The following TAF2 variants were observed in gnomAD, a reference collection of about 807,000 sequenced individuals.
TAF2 encodes transcription initiation factor TFIID subunit 2.
Under a neutral mutation model 138.5 loss-of-function variants are expected in TAF2, and 61 were observed. That is an observed-to-expected ratio of 0.44 (90% CI 0.36 to 0.54). The LOEUF (loss-of-function observed/expected upper bound fraction) is 0.54, where lower values mean the gene tolerates loss of function less well. TAF2 is among the 20% of genes least tolerant of loss of function. TAF2 has a pLI of 0.00. For synonymous variants in TAF2, 475 were observed against 469.9 expected, an observed-to-expected ratio of 1.01 and a Z score of -0.14; for missense variants, 1,090 against 1,427.9, an observed-to-expected ratio of 0.76 and a Z score of 3.81.
chr8:119,756,069 T>C lies in TAF2; in HGVS notation c.2815A>G (p.Asn939Asp). 1.9e-6 allele frequency: 3 copies of C among 1,613,756 alleles called. No homozygotes were observed. The highest frequency in any genetic ancestry group is 2.5e-6 in the Non-Finnish European group (3 of 1,179,836). ...TCATTGCATAAGGGAGACTCCATGTTCTTAGTAAATGGTGGGTTCTTAGTC... is the reference window on the plus strand; with the variant it reads ...TCATTGCATAAGGGAGACTCCATGTCCTTAGTAAATGGTGGGTTCTTAGTC... ...MLTKNPPFTKNMESPLCNEAL... is the reference protein window; with the variant it reads ...MLTKNPPFTKDMESPLCNEAL... The change falls in exon 22 of 26, where the codon AAC (asparagine) becomes GAC (aspartate). Residue 939 changes from asparagine (N) to aspartate (D), a missense_variant. By Grantham distance (23) the Asn-to-Asp change is conservative. Coordinates refer to ENST00000378164, the MANE Select transcript of TAF2 (RefSeq NM_003184.4).
At chr8:119,774,008 A>T (rs1051091450) in intron 18 of TAF2, among the ~76,000 whole-genome samples, 17 of 151,350 alleles carry the variant, frequency 1.1e-4, no homozygotes, top group Non-Finnish European at 2.2e-4. Flanking sequence ...TGTCTCTACT[A>T]AAAATACAAA....
chr8:119,810,475 T>C (rs1824974902), intron 3 of TAF2, among the ~76,000 whole-genome samples: 1 of 152,208 alleles, frequency 6.6e-6, no homozygotes, highest in Non-Finnish European at 1.5e-5. Context: ...GATTTTTGTG[T>C]GAATATAAGC....
rs760241408 is a variant in TAF2 at position 119,803,864 on chromosome 8, A to G, written c.560+14T>C. 2.0e-5 allele frequency: 32 copies of G among 1,600,058 alleles called. No individual in the cohort carries two copies. In the Admixed American group the frequency reaches 3.0e-4, roughly 15 times the overall value. ...TTAAAAATTAATTGAAATATTTAAG[A>G]ATCTATAATCTACCTTGTAGAATTT... On this transcript the variant is annotated intron_variant, in intron 5 of 25. Coordinates refer to ENST00000378164, the MANE Select transcript of TAF2 (RefSeq NM_003184.4).
intron 17 of TAF2, among the ~76,000 whole-genome samples, chr8:119,780,286 CTT>C (rs1822551291): frequency 6.6e-6 from 1 of 152,130 alleles, no homozygotes; most frequent in Non-Finnish European, 1.5e-5. Context: ...TTATAGAAAA[CTT>C]AATATAAGCA....
chr8:119,762,318 T>C, intron 19 of TAF2, 97 bp downstream of exon 19: 1 of 1,220,710 alleles, frequency 8.2e-7, no homozygotes, highest in Non-Finnish European at 1.2e-6. Flanking sequence ...AGTTTTCTCA[T>C]TTTACTTTAC....
In TAF2 at chr8:119,832,182, A is replaced by C. The variant is rs940546606; in HGVS notation, c.83+300T>G. Among the ~76,000 whole-genome samples the C allele has an allele frequency of 2.5e-4, 38 of 152,188 alleles. 1 individual carries two copies. The highest frequency in any genetic ancestry group is 1.9e-3 in the Admixed American group (29 of 15,288). On this transcript the variant is annotated intron_variant, in intron 1 of 25. Coordinates refer to ENST00000378164, the MANE Select transcript of TAF2 (RefSeq NM_003184.4). ...AAAAATTAAAAAATTAAAAAAAAAAAAACACTCTACCAATTGGGATAATTT... is the reference window on the plus strand; with the variant it reads ...AAAAATTAAAAAATTAAAAAAAAAACAACACTCTACCAATTGGGATAATTT...
At chr8:119,811,289 T>C (rs1440461150) in intron 3 of TAF2, among the ~76,000 whole-genome samples, 1 of 152,178 alleles carries the variant, frequency 6.6e-6, no homozygotes, top group Non-Finnish European at 1.5e-5. Context: ...CATCTGCCTC[T>C]TAAAACTATA....
rs575570003 is a variant in TAF2 at position 119,786,557 on chromosome 8, T to C, written c.1794-1291A>G. Reference sequence around the variant, plus strand: ...CAAGAAGGCAAGCAAACAAAGAATGTTTGGTAATACTAACTGGAAGTAAAA... The same window carrying C: ...CAAGAAGGCAAGCAAACAAAGAATGCTTGGTAATACTAACTGGAAGTAAAA... On this transcript the variant is annotated intron_variant, in intron 14 of 25. Coordinates refer to ENST00000378164, the MANE Select transcript of TAF2 (RefSeq NM_003184.4). Among the ~76,000 whole-genome samples the C allele has an allele frequency of 2.6e-5, 4 of 152,262 alleles. No homozygotes were observed. The South Asian group carries it at 8.3e-4, about 32-fold the overall frequency.
At chr8:119,792,608 T>C (rs1408425815) in intron 10 of TAF2, among the ~76,000 whole-genome samples, 2 of 152,202 alleles carry the variant, frequency 1.3e-5, no homozygotes, top group African/African-American at 4.8e-5. Flanking sequence ...TTTGTTTGAA[T>C]GATGGTGCCC....
chr8:119,830,311 A>G (rs1458345030), intron 2 of TAF2, among the ~76,000 whole-genome samples: 1 of 152,164 alleles, frequency 6.6e-6, no homozygotes, highest in African/African-American at 2.4e-5. Context: ...ATACACATAA[A>G]CCTTAGAAGA....
chr8:119,749,365 A>G (rs765580945), intron 22 of TAF2, among the ~76,000 whole-genome samples: 1 of 152,210 alleles, frequency 6.6e-6, no homozygotes, highest in Admixed American at 6.5e-5. Context: ...TCTGTCTTCT[A>G]AAAATGAACT....
intron 3 of TAF2, among the ~76,000 whole-genome samples, chr8:119,809,400 C>A (rs1401641919): frequency 6.6e-6 from 1 of 152,174 alleles, no homozygotes; most frequent in African/African-American, 2.4e-5. Context: ...CTATCCAGAT[C>A]TTTAAAACCT....
intron 6 of TAF2, 45 bp downstream of exon 6, chr8:119,801,749 A>G: frequency 6.4e-7 from 1 of 1,567,304 alleles, no homozygotes; most frequent in Non-Finnish European, 8.8e-7. Context: ...TTTTAAAAGC[A>G]GTAAAGGGCC....
chr8:119,804,311 A>G (rs931936358), intron 4 of TAF2, among the ~76,000 whole-genome samples: 5 of 152,160 alleles, frequency 3.3e-5, no homozygotes, highest in South Asian at 4.1e-4. Context: ...GACAATGTAC[A>G]ATGCCTAAAA....
intron 12 of TAF2, 66 bp downstream of exon 12, chr8:119,789,526 A>G: frequency 6.3e-7 from 1 of 1,588,526 alleles, no homozygotes; most frequent in Non-Finnish European, 8.6e-7. Context: ...CTCTTCTTCC[A>G]TCTTCCCCTT....
At position 119,731,676 on chromosome 8, in the gene TAF2, T is replaced by C. The variant is rs1235938741; in HGVS notation, c.*248A>G. 2.0e-6 allele frequency: 1 copy of C among 503,188 alleles called. No individual in the cohort carries two copies. Among genetic ancestry groups the C allele is most frequent in the East Asian group, 3.5e-5 (1 of 28,264 alleles). 31.2% of individuals were successfully genotyped at this position (503,188 alleles called of 1,614,324 possible). A position where few individuals can be genotyped will look rare whatever the true frequency, so the allele number is the denominator to read the frequency against. On this transcript the variant is annotated 3_prime_UTR_variant, in exon 26 of 26. Coordinates refer to ENST00000378164, the MANE Select transcript of TAF2 (RefSeq NM_003184.4). ...GGCTTTTATGAAAGGGAGTTTGCTC[T>C]GTGTGTGTGTTTTGGGGAGGAAACA... is the stretch of plus-strand genomic sequence containing the variant.
Position 119,742,638 on chromosome 8 carries a change from GGCCGATATTTCGAGA to G in TAF2, c.3218_3232del (p.Leu1073_Arg1077del). The G allele has an allele frequency of 6.2e-7, 1 of 1,613,892 alleles. No homozygotes were observed. Among genetic ancestry groups the G allele is most frequent in the Non-Finnish European group, 8.5e-7 (1 of 1,179,948 alleles). On this transcript the variant is annotated inframe_deletion, in exon 25 of 26. Coordinates refer to ENST00000378164, the MANE Select transcript of TAF2 (RefSeq NM_003184.4). ...TATTAAAGCAGATCGGGAGCTAGCT[GGCCGATATTTCGAGA>G]GCCCTAAAATGCCAAACAAGAGAAA...
In TAF2 at chr8:119,797,118, AG is replaced by A. The variant is rs1823881925; in HGVS notation, c.978-16del. ...AAAGATTTGTGCTGGAATTTAAAAG[AG>A]AAGAAAGCTCATTATAACCAAGAAA... is the stretch of plus-strand genomic sequence containing the variant. On this transcript the variant is annotated splice_polypyrimidine_tract_variant and intron_variant, in intron 7 of 25. Transcript: ENST00000378164. 6.5e-7 allele frequency: 1 copy of A among 1,538,112 alleles called. No homozygotes were observed. The highest frequency in any genetic ancestry group is 1.1e-5 in the South Asian group (1 of 89,444).
rs1416255890 is a variant in TAF2, at chr8:119,801,960, T to C, written c.626A>G (p.Asp209Gly). The change falls in exon 6 of 26, where the codon GAT (aspartate) becomes GGT (glycine). Residue 209 changes from aspartate to glycine, a missense_variant. Around this residue, in one of 3 missense-constraint regions of TAF2, gnomAD observed 504 missense variants for 680.9 expected, o/e 0.74. Transcript: ENST00000378164. The stretch of plus-strand genomic sequence containing the variant: ...ATTAGAAACAGCAACCATTGCAGCA[T>C]CTACTGTAAATTCTAATTTCCATGT... Reference protein sequence around the residue: ...LCTWKLEFTVDAAMVAVSNGD... With the variant: ...LCTWKLEFTVGAAMVAVSNGD... 1.2e-6 allele frequency: 2 copies of C among 1,614,218 alleles called. No individual in the cohort carries two copies. Among genetic ancestry groups the C allele is most frequent in the East Asian group, 2.2e-5 (1 of 44,876 alleles).
Sources: allele counts gnomAD v4.1 joint callset (sites outside exome capture counted in the v4.1 genomes callset), GRCh38; gene constraint gnomAD v4.1.1; regional missense constraint gnomAD v4.1.1; transcripts MANE v1.5; gene names NCBI Gene and HGNC (gene_info 2026-07-23, HGNC 2026-07-21).